PEX26: variants seen among roughly 807,000 people sequenced by gnomAD.
The protein encoded by PEX26 is peroxisome assembly protein 26.
PEX26 carries 18 observed loss-of-function variants against 31.4 expected under a neutral mutation model. That is an observed-to-expected ratio of 0.57 (90% CI 0.40 to 0.85). The LOEUF is 0.85. Among genes scored for constraint, PEX26 ranks in the 40% least tolerant of loss-of-function variants. The probability of loss-of-function intolerance (pLI) is 0.00; values close to 1 mark genes in which losing one functional copy is unlikely to be tolerated. For synonymous variants in PEX26, 176 were observed against 166.9 expected (o/e 1.05, Z -0.42); for missense variants, 377 against 383.9 (o/e 0.98, Z 0.15).
rs763454441 is a variant in PEX26 at position 18,087,986 on chromosome 22, C to A, written c.829C>A (p.Leu277Met). Residue 277 changes from leucine to methionine, a missense_variant, in exon 5 of 5, where the codon CTG becomes ATG. Transcript: ENST00000399744. Reference sequence around the variant, plus strand: ...CTGCCCTGCAGCTTCCCCTTCCTCCCTGCACTTCCTCTACAAGCTGGCCCA... The same window carrying A: ...CTGCCCTGCAGCTTCCCCTTCCTCCATGCACTTCCTCTACAAGCTGGCCCA... ...VRFDPASPSSLHFLYKLAQLF... is the reference protein window; with the variant it reads ...VRFDPASPSSMHFLYKLAQLF... 3 of 1,612,882 alleles carry A rather than the reference C, an allele frequency of 1.9e-6. No homozygotes were observed. The highest frequency in any genetic ancestry group is 2.5e-6 in the Non-Finnish European group (3 of 1,179,180).
Position 18,090,573 on chromosome 22 carries a change from A to G in PEX26, c.*2498A>G, listed in dbSNP as rs1254353459. 6.6e-6 allele frequency: 1 copy of G among 152,176 alleles called. No homozygotes were observed. Among genetic ancestry groups the G allele is most frequent in the East Asian group, 1.9e-4 (1 of 5,188 alleles). The allele number at this position is 152,176 out of a possible 1,614,324, so 9.4% of individuals were successfully genotyped here. The stretch of plus-strand genomic sequence containing the variant: ...GTGGTCGTGACCCCATGGTCTTGTA[A>G]TTGTGAACTTCTTTGCTGCCCCTTC... On this transcript the variant is annotated 3_prime_UTR_variant, in exon 5 of 5. Coordinates refer to ENST00000399744, the MANE Select transcript of PEX26 (RefSeq NM_001127649.3).
Position 18,085,093 on chromosome 22 carries a change from GCT to G in PEX26, c.668-16_668-15del, listed in dbSNP as rs776818347. The G allele has an allele frequency of 1.9e-6, 3 of 1,613,596 alleles. No individual in the cohort carries two copies. In the African/African-American group the frequency reaches 4.0e-5, roughly 22 times the overall value. On this transcript the variant is annotated splice_polypyrimidine_tract_variant and intron_variant, in intron 3 of 4. Transcript: ENST00000399744. ...ATTCCCATGACATCCCTGAAGCTGTGCTCTGTCTCCCTGGCCAGGCTCTGTCT... is the reference window on the plus strand; with the variant it reads ...ATTCCCATGACATCCCTGAAGCTGTGCTGTCTCCCTGGCCAGGCTCTGTCT...
At chr22:18,087,850 C>T (rs751218965) in intron 4 of PEX26, 122 bp from the exon 5 acceptor site, 123 of 777,586 alleles carry the variant, frequency 1.6e-4, no homozygotes, top group Non-Finnish European at 2.5e-4. Flanking sequence ...GACCCTGTCT[C>T]TAAAAAAAAC....
At position 18,096,791 on chromosome 22, in the gene PEX26, A is replaced by G. The variant is rs1295512730; in HGVS notation, c.*8716A>G. The G allele has an allele frequency of 3.3e-5, 5 of 152,202 alleles. No individual in the cohort carries two copies. The highest frequency in any genetic ancestry group is 6.6e-5 in the Admixed American group (1 of 15,264). The allele number at this position is 152,202 out of a possible 1,614,324, so 9.4% of individuals were successfully genotyped here. ...CCATGTTTAATTTTCTAAATATGCA[A>G]TACATTCATAGGGTTTTTGAAAAGG... is the stretch of plus-strand genomic sequence containing the variant. On this transcript the variant is annotated 3_prime_UTR_variant, in exon 5 of 5. Transcript: ENST00000399744.
chr22:18,079,207 A>T lies in PEX26; in HGVS notation c.230+601A>T, dbSNP rs928716031. 2.5e-3 allele frequency: 2,443 copies of T among 985,256 alleles called. 1 individual carries two copies. The highest frequency in any genetic ancestry group is 3.3e-3 in the Admixed American group (53 of 16,278). The allele number at this position is 985,256 out of a possible 1,614,324, so 61.0% of individuals were successfully genotyped here. ...AAAAAGAAAAGAATCCGGAGAAAAA[A>T]ACCTTGGGCTTGCATTGCTCTTTCT... On this transcript the variant is annotated intron_variant, in intron 1 of 4. Transcript: ENST00000399744.
chr22:18,104,152 C>G lies in PEX26; in HGVS notation c.*16077C>G, dbSNP rs1927544484. The G allele has an allele frequency of 6.6e-6, 1 of 152,174 alleles. No homozygotes were observed. The highest frequency in any genetic ancestry group is 2.4e-5 in the African/African-American group (1 of 41,428). 9.4% of individuals were successfully genotyped at this position (152,174 alleles called of 1,614,324 possible). ...TTAATCATCTACACAATACCAAGAG[C>G]AGGAGGGGATGACCGACGGCTTCAT... On this transcript the variant is annotated 3_prime_UTR_variant, in exon 5 of 5. Coordinates refer to ENST00000399744, the MANE Select transcript of PEX26 (RefSeq NM_001127649.3).
intron 2 of PEX26, among the ~76,000 whole-genome samples, chr22:18,082,940 A>AT (rs901509081): frequency 6.6e-6 from 1 of 152,038 alleles, no homozygotes; most frequent in African/African-American, 2.4e-5. Context: ...TAGGTATCTT[A>AT]TTTTTTTGGT....
At position 18,105,042 on chromosome 22, in the gene PEX26, A is replaced by T. The variant is rs1391048545; in HGVS notation, c.*16967A>T. 1.3e-5 allele frequency: 2 copies of T among 152,178 alleles called. No homozygotes were observed. Among genetic ancestry groups the T allele is most frequent in the Admixed American group, 1.3e-4 (2 of 15,252 alleles). The allele number at this position is 152,178 out of a possible 1,614,324, so 9.4% of individuals were successfully genotyped here. On this transcript the variant is annotated 3_prime_UTR_variant, in exon 5 of 5. Coordinates refer to ENST00000399744, the MANE Select transcript of PEX26 (RefSeq NM_001127649.3). ...TGGTAAGATATCGTTTGCTCTCTGG[A>T]CTTCATGGGCTCACCCCAGCAATGG...
At position 18,101,794 on chromosome 22, in the gene PEX26, C is replaced by A. The variant is rs1569193623; in HGVS notation, c.*13719C>A. The A allele has an allele frequency of 1.0e-5, 2 of 195,316 alleles. No individual in the cohort carries two copies. The highest frequency in any genetic ancestry group is 2.1e-4 in the South Asian group (2 of 9,458). 12.1% of individuals were successfully genotyped at this position (195,316 alleles called of 1,614,324 possible). On this transcript the variant is annotated 3_prime_UTR_variant, in exon 5 of 5. Coordinates refer to ENST00000399744, the MANE Select transcript of PEX26 (RefSeq NM_001127649.3). ...TGATGGATGGTGCAATTTCCTTGGTCATTAACCTGAGGTCTGGGGCCTTTA... is the reference window on the plus strand; with the variant it reads ...TGATGGATGGTGCAATTTCCTTGGTAATTAACCTGAGGTCTGGGGCCTTTA...
chr22:18,087,557 CTT>C (rs920042350), intron 4 of PEX26, among the ~76,000 whole-genome samples: 24 of 152,358 alleles, frequency 1.6e-4, no homozygotes, highest in African/African-American at 5.8e-4. Flanking sequence ...TTTAGAAACT[CTT>C]TATGATTCTT....
rs1286177252 is a variant in PEX26 at position 18,088,473 on chromosome 22, C to T, written c.*398C>T. ...CCTGGTGAAGTGACCCTTGGCCTTT[C>T]ACTTCTTGAGAAACATACTTCTTTG... On this transcript the variant is annotated 3_prime_UTR_variant, in exon 5 of 5. Coordinates refer to ENST00000399744, the MANE Select transcript of PEX26 (RefSeq NM_001127649.3). This position sits in a 1 kb window ranked among gnomAD's most constrained non-coding sequence, Gnocchi z 4.1. The T allele has an allele frequency of 2.9e-6, 1 of 341,168 alleles. No homozygotes were observed. The highest frequency in any genetic ancestry group is 5.8e-6 in the Non-Finnish European group (1 of 173,376). The allele number at this position is 341,168 out of a possible 1,614,324, so 21.1% of individuals were successfully genotyped here. A position where few individuals can be genotyped will look rare whatever the true frequency, so the allele number is the denominator to read the frequency against.
Position 18,102,241 on chromosome 22 carries a change from T to C in PEX26, c.*14166T>C, listed in dbSNP as rs986839943. ...GTCTGATTCAAAAGCACCTGAGAGATGGGAGGAGTACTAGGGTTACTAAAC... is the reference window on the plus strand; with the variant it reads ...GTCTGATTCAAAAGCACCTGAGAGACGGGAGGAGTACTAGGGTTACTAAAC... On this transcript the variant is annotated 3_prime_UTR_variant, in exon 5 of 5. Coordinates refer to ENST00000399744, the MANE Select transcript of PEX26 (RefSeq NM_001127649.3). 5 of 152,132 alleles carry C rather than the reference T, an allele frequency of 3.3e-5. No homozygotes were observed. The highest frequency in any genetic ancestry group is 1.2e-4 in the African/African-American group (5 of 41,406). The allele number at this position is 152,132 out of a possible 1,614,324, so 9.4% of individuals were successfully genotyped here.
At position 18,091,199 on chromosome 22, in the gene PEX26, CCA is replaced by C. The variant is rs954630619; in HGVS notation, c.*3125_*3126del. 2.0e-5 allele frequency: 3 copies of C among 152,250 alleles called. No homozygotes were observed. Among genetic ancestry groups the C allele is most frequent in the Non-Finnish European group, 4.4e-5 (3 of 68,080 alleles). The allele number at this position is 152,250 out of a possible 1,614,324, so 9.4% of individuals were successfully genotyped here. A position where few individuals can be genotyped will look rare whatever the true frequency, so the allele number is the denominator to read the frequency against. On this transcript the variant is annotated 3_prime_UTR_variant, in exon 5 of 5. Coordinates refer to ENST00000399744, the MANE Select transcript of PEX26 (RefSeq NM_001127649.3). ...TCTTTCTACTCCCGCTCTCTATTCC[CCA>C]GTTTCTTGCCCAGAGGCAACCCTTG...
rs1303132385 is a variant in PEX26, at chr22:18,099,151, T to C, written c.*11076T>C. The C allele has an allele frequency of 6.6e-6, 1 of 152,180 alleles. No individual in the cohort carries two copies. The highest frequency in any genetic ancestry group is 1.5e-5 in the Non-Finnish European group (1 of 68,042). 9.4% of individuals were successfully genotyped at this position (152,180 alleles called of 1,614,324 possible). A position where few individuals can be genotyped will look rare whatever the true frequency, so the allele number is the denominator to read the frequency against. The stretch of plus-strand genomic sequence containing the variant: ...ATGTCTGAAGACAAAGTCTGGAGAT[T>C]GGTGGGCCAGAAGGTGTGAATCTAC... On this transcript the variant is annotated 3_prime_UTR_variant, in exon 5 of 5. Coordinates refer to ENST00000399744, the MANE Select transcript of PEX26 (RefSeq NM_001127649.3).
In PEX26 at chr22:18,102,504, TCAA is replaced by T. The variant is rs1355287695; in HGVS notation, c.*14433_*14435del. Reference sequence around the variant, plus strand: ...GAAGCTGGCATAGAAGATGATTTGCTCAACAAAGTCACCGCTAAACTATCGCTT... The same window carrying T: ...GAAGCTGGCATAGAAGATGATTTGCTCAAAGTCACCGCTAAACTATCGCTT... On this transcript the variant is annotated 3_prime_UTR_variant, in exon 5 of 5. Coordinates refer to ENST00000399744, the MANE Select transcript of PEX26 (RefSeq NM_001127649.3). 6.5e-6 allele frequency: 1 copy of T among 154,426 alleles called. No homozygotes were observed. Among genetic ancestry groups the T allele is most frequent in the Non-Finnish European group, 1.5e-5 (1 of 68,810 alleles). 9.6% of individuals were successfully genotyped at this position (154,426 alleles called of 1,614,324 possible). A position where few individuals can be genotyped will look rare whatever the true frequency, so the allele number is the denominator to read the frequency against.
rs1926921025 is a variant in PEX26 at position 18,088,099 on chromosome 22, T to A, written c.*24T>A. On this transcript the variant is annotated 3_prime_UTR_variant, in exon 5 of 5. Transcript: ENST00000399744. This position sits in a 1 kb window ranked among gnomAD's most constrained non-coding sequence, Gnocchi z 4.1. The stretch of plus-strand genomic sequence containing the variant: ...GAGGGTCCCTGCGCACCACAGCCTC[T>A]CTGCTCCTCACGTCCGTGGCCACAG... 6.8e-7 allele frequency: 1 copy of A among 1,462,812 alleles called. No individual in the cohort carries two copies. Among genetic ancestry groups the A allele is most frequent in the African/African-American group, 1.4e-5 (1 of 72,012 alleles). 90.6% of individuals were successfully genotyped at this position (1,462,812 alleles called of 1,614,324 possible).
Position 18,102,057 on chromosome 22 carries a change from A to T in PEX26, c.*13982A>T, listed in dbSNP as rs569955572. On this transcript the variant is annotated 3_prime_UTR_variant, in exon 5 of 5. Transcript: ENST00000399744. The stretch of plus-strand genomic sequence containing the variant: ...CAATTTCACAAGGAAAATCACTAAA[A>T]TGTGCGTCTCTTCATTTAAAAGAAA... 6.6e-6 allele frequency: 1 copy of T among 152,240 alleles called. No individual in the cohort carries two copies. Among genetic ancestry groups the T allele is most frequent in the African/African-American group, 2.4e-5 (1 of 41,416 alleles). 9.4% of individuals were successfully genotyped at this position (152,240 alleles called of 1,614,324 possible).
At chr22:18,080,114 C>G (rs1401638776) in intron 2 of PEX26, 100 bp downstream of exon 2, 1 of 1,308,678 alleles carries the variant, frequency 7.6e-7, no homozygotes, top group Non-Finnish European at 1.1e-6. Flanking sequence ...TACTATTGCC[C>G]TCCAGATCGG....
chr22:18,078,421 CG>C lies in PEX26; in HGVS notation c.50del (p.Gly17AspfsTer65). 2.5e-6 allele frequency: 4 copies of C among 1,589,958 alleles called. No homozygotes were observed. The highest frequency in any genetic ancestry group is 2.3e-5 in the East Asian group (1 of 43,972). On this transcript the variant is annotated frameshift_variant, in exon 1 of 5. Coordinates refer to ENST00000399744, the MANE Select transcript of PEX26 (RefSeq NM_001127649.3). LOFTEE classifies it high-confidence loss of function. ...STSAAPLRGL[G>X]GPLRSSEPVR... ...CCTCTGCAGCCCCCCTCAGGGGGCT[CG>C]GGGGACCCCTGCGCAGCAGCGAGCC...
Sources: allele counts gnomAD v4.1 joint callset (sites outside exome capture counted in the v4.1 genomes callset), GRCh38; gene constraint gnomAD v4.1.1; non-coding constraint Gnocchi (gnomAD v3.1); transcripts MANE v1.5; gene names NCBI Gene and HGNC (gene_info 2026-07-23, HGNC 2026-07-21).